The following PKIG variants were observed in gnomAD, a reference collection of about 807,000 sequenced individuals.
PKIG encodes protein kinase (cAMP-dependent, catalytic) inhibitor gamma.
A neutral mutation model predicts 6.8 loss-of-function variants in PKIG; 1 was observed. The observed-to-expected ratio is 0.15, with a 90% CI of 0.05 to 0.69. PKIG has a LOEUF of 0.69. PKIG is among the 30% of genes least tolerant of loss of function. The probability of loss-of-function intolerance (pLI) is 0.82; values close to 1 mark genes in which losing one functional copy is unlikely to be tolerated. For missense variants in PKIG, 77 were observed against 104.0 expected, an observed-to-expected ratio of 0.74 and a Z score of 1.13; for synonymous variants, 39 against 43.0, an observed-to-expected ratio of 0.91 and a Z score of 0.36.
intron 1 of PKIG, among the ~76,000 whole-genome samples, chr20:44,553,980 A>G (rs2064691080): frequency 1.3e-5 from 2 of 152,146 alleles, no homozygotes; most frequent in South Asian, 4.1e-4. Context: ...AAAAGTGACC[A>G]AAGGACAGTG....
chr20:44,618,417 G>A lies in PKIG; in HGVS notation c.*53G>A. On this transcript the variant is annotated 3_prime_UTR_variant, in exon 4 of 4. Coordinates refer to ENST00000372886, the MANE Select transcript of PKIG (RefSeq NM_001281445.2). ...GAGAGACCTTCTGTCCCCTCCCAGA[G>A]GGGGAACCCTGGCACTGGCCCAGCA... The A allele has an allele frequency of 8.0e-7, 1 of 1,254,938 alleles. No homozygotes were observed. Among genetic ancestry groups the A allele is most frequent in the Non-Finnish European group, 1.2e-6 (1 of 852,802 alleles). The allele number at this position is 1,254,938 out of a possible 1,614,324, so 77.7% of individuals were successfully genotyped here.
At position 44,607,043 on chromosome 20, in the gene PKIG, A is replaced by C. The variant is rs148939656; in HGVS notation, c.-23-7491A>C. On this transcript the variant is annotated intron_variant, in intron 2 of 3. Transcript: ENST00000372886. Reference sequence around the variant, plus strand: ...TGTTGTAGCAGCACAAAACGGACTGAGAGACAGGAACTAACTTCTGTGGGG... The same window carrying C: ...TGTTGTAGCAGCACAAAACGGACTGCGAGACAGGAACTAACTTCTGTGGGG... Among the ~76,000 whole-genome samples, 24 of 152,334 alleles carry C rather than the reference A, an allele frequency of 1.6e-4. No homozygotes were observed. In the East Asian group the frequency reaches 4.2e-3, roughly 27 times the overall value.
rs1200115993 is a variant in PKIG at position 44,537,897 on chromosome 20, ATACTT to A, written c.-241+5921_-241+5925del. ...CACTGCACCCAGCCATCCTGTAAAT[ATACTT>A]TCTGACTTTAGTAGGAGAAGTATGA... On this transcript the variant is annotated intron_variant, in intron 1 of 4. Coordinates refer to the PKIG transcript ENST00000372887. Among the ~76,000 whole-genome samples, 192 of 152,216 alleles carry A rather than the reference ATACTT, an allele frequency of 1.3e-3. 5 individuals carry two copies. In the East Asian group the frequency reaches 0.034, roughly 27 times the overall value.
chr20:44,607,190 T>C (rs1445609275), intron 2 of PKIG, among the ~76,000 whole-genome samples: 1 of 152,030 alleles, frequency 6.6e-6, no homozygotes, highest in African/African-American at 2.4e-5. Context: ...TCTACAACAG[T>C]GAGACAACAG....
intron 3 of PKIG, 79 bp from the exon 4 acceptor site, chr20:44,618,206 G>A: frequency 1.1e-6 from 1 of 902,296 alleles, no homozygotes; most frequent in Non-Finnish European, 1.9e-6. Flanking sequence ...TATCAGTTTG[G>A]CTGGGCCCTT....
intron 1 of PKIG, among the ~76,000 whole-genome samples, chr20:44,549,796 G>C (rs2064651304): frequency 6.6e-6 from 1 of 152,124 alleles, no homozygotes; most frequent in Admixed American, 6.6e-5. Context: ...CTGCACCCCA[G>C]CCTGGGTAAC....
At chr20:44,613,460 A>G (rs1484647082) in intron 2 of PKIG, among the ~76,000 whole-genome samples, 1 of 152,146 alleles carries the variant, frequency 6.6e-6, no homozygotes, top group Admixed American at 6.5e-5. Flanking sequence ...TCCTAGTTCC[A>G]TGTACCTAGC....
At chr20:44,613,230 A>G (rs1040913431) in intron 2 of PKIG, among the ~76,000 whole-genome samples, 4 of 152,176 alleles carry the variant, frequency 2.6e-5, no homozygotes, top group Non-Finnish European at 5.9e-5. Context: ...CAGTGGCACA[A>G]TCTCGGCTCA....
intron 3 of PKIG, among the ~76,000 whole-genome samples, chr20:44,615,641 G>C (rs150847734): frequency 1.4e-4 from 22 of 152,170 alleles, no homozygotes; most frequent in African/African-American, 4.6e-4. Flanking sequence ...GCGCCACAGA[G>C]GCCGTGTGTG....
chr20:44,581,421 G>C (rs2064947402), upstream of PKIG, among the ~76,000 whole-genome samples: 3 of 152,144 alleles, frequency 2.0e-5, no homozygotes, highest in South Asian at 6.2e-4. Context: ...CTGAAGTTCA[G>C]AGAAATTAAG....
At chr20:44,616,694 G>A (rs772416566) in intron 3 of PKIG, among the ~76,000 whole-genome samples, 2 of 152,222 alleles carry the variant, frequency 1.3e-5, no homozygotes, top group African/African-American at 2.4e-5. Context: ...AAACACTCAC[G>A]GTGGCGTCCA....
intron 1 of PKIG, among the ~76,000 whole-genome samples, chr20:44,571,272 T>A (rs1017192193): frequency 6.6e-6 from 1 of 150,564 alleles, no homozygotes; most frequent in South Asian, 2.1e-4. Flanking sequence ...CCTGAAAAAA[T>A]TTTTAAATAA....
intron 1 of PKIG, among the ~76,000 whole-genome samples, chr20:44,540,857 C>T (rs1368295378): frequency 6.6e-6 from 1 of 152,232 alleles, no homozygotes; most frequent in African/African-American, 2.4e-5. Flanking sequence ...ACTGGGATTA[C>T]AGGCATGAGC....
intron 2 of PKIG, among the ~76,000 whole-genome samples, chr20:44,593,411 A>G (rs997104739): frequency 1.5e-5 from 2 of 137,480 alleles, no homozygotes; most frequent in Non-Finnish European, 3.2e-5. Flanking sequence ...ACACACACAC[A>G]CGACTATTAC....
chr20:44,569,662 A>C (rs897284199), intron 1 of PKIG, among the ~76,000 whole-genome samples: 11 of 151,986 alleles, frequency 7.2e-5, no homozygotes, highest in African/African-American at 2.7e-4. Context: ...GCTGCAGTGC[A>C]GTGGCGCGAT....
intron 1 of PKIG, among the ~76,000 whole-genome samples, chr20:44,550,955 T>G (rs558170857): frequency 6.6e-6 from 1 of 152,360 alleles, no homozygotes; most frequent in Non-Finnish European, 1.5e-5. Context: ...GTTAACATTT[T>G]GCTGCATATA....
intron 1 of PKIG, among the ~76,000 whole-genome samples, chr20:44,562,684 A>G (rs949921121): frequency 1.3e-5 from 2 of 152,082 alleles, no homozygotes; most frequent in Non-Finnish European, 2.9e-5. Context: ...TAATGATACT[A>G]TGAATACTAT....
intron 2 of PKIG, among the ~76,000 whole-genome samples, chr20:44,590,967 T>C (rs1265531895): frequency 6.6e-6 from 1 of 152,194 alleles, no homozygotes; most frequent in Admixed American, 6.5e-5. Flanking sequence ...TTTTCATTTT[T>C]ACATTAATTT....
intron 1 of PKIG, among the ~76,000 whole-genome samples, chr20:44,549,990 A>C (rs2064653332): frequency 6.6e-6 from 1 of 151,932 alleles, no homozygotes; most frequent in Non-Finnish European, 1.5e-5. Context: ...ATCATTTAAA[A>C]ATGGAATTCG....
Sources: allele counts gnomAD v4.1 joint callset (sites outside exome capture counted in the v4.1 genomes callset), GRCh38; gene constraint gnomAD v4.1.1; transcripts MANE v1.5; gene names NCBI Gene and HGNC (gene_info 2026-07-23, HGNC 2026-07-21).